LMF1: variants seen among roughly 807,000 people sequenced by gnomAD.
LMF1 encodes the protein lipase maturation factor 1.
A neutral mutation model predicts 60.6 loss-of-function variants in LMF1; 68 were observed. The ratio of observed to expected loss-of-function variants is 1.12; its 90% confidence interval spans 0.92 to 1.37. LMF1 has a LOEUF of 1.37. Ranked by LOEUF, LMF1 falls within the 40% of genes most tolerant of loss-of-function variation. The pLI is 0.00. For synonymous variants in LMF1, 418 were observed against 324.7 expected, an observed-to-expected ratio of 1.29 and a Z score of -3.09; for missense variants, 948 against 767.2, an observed-to-expected ratio of 1.24 and a Z score of -2.78.
intron 6 of LMF1, among the ~76,000 whole-genome samples, chr16:875,196 G>A (rs1271009945): frequency 1.3e-5 from 2 of 152,176 alleles, no homozygotes; most frequent in African/African-American, 4.8e-5. Flanking sequence ...CCCAGGTGCA[G>A]TGAGGCCCAG....
chr16:928,199 G>A (rs961025094), intron 3 of LMF1, among the ~76,000 whole-genome samples: 2 of 152,174 alleles, frequency 1.3e-5, no homozygotes, highest in African/African-American at 4.8e-5. Flanking sequence ...TACGTGGATG[G>A]GCCCCCCCAG....
intron 1 of LMF1, among the ~76,000 whole-genome samples, chr16:967,884 C>T (rs2072958209): frequency 6.6e-6 from 1 of 152,226 alleles, no homozygotes; most frequent in Non-Finnish European, 1.5e-5. Context: ...ACCAGGAGGT[C>T]AGCACCGGGC....
chr16:895,427 C>A (rs1374186612), intron 4 of LMF1, among the ~76,000 whole-genome samples: 1 of 152,226 alleles, frequency 6.6e-6, no homozygotes, highest in Non-Finnish European at 1.5e-5. Flanking sequence ...CAACAGAAAA[C>A]CAACCACACA....
At chr16:892,728 G>A (rs781157629) in intron 5 of LMF1, among the ~76,000 whole-genome samples, 2 of 152,218 alleles carry the variant, frequency 1.3e-5, no homozygotes, top group Admixed American at 6.5e-5. Flanking sequence ...GGAGGCCTGG[G>A]CAGGACCAAG....
chr16:949,508 A>C (rs1168110435), intron 2 of LMF1, among the ~76,000 whole-genome samples: 3 of 106,978 alleles, frequency 2.8e-5, no homozygotes, highest in Middle Eastern at 4.2e-3. Context: ...AGAGTTAGAG[A>C]CAATGACAGA....
chr16:859,072 G>A (rs2069326455), intron 10 of LMF1, among the ~76,000 whole-genome samples: 1 of 121,182 alleles, frequency 8.3e-6, no homozygotes, highest in Non-Finnish European at 1.7e-5. Flanking sequence ...GGTGTCACGG[G>A]ACGGGTGTGA....
At chr16:955,694 C>T (rs1254137080) in intron 1 of LMF1, among the ~76,000 whole-genome samples, 4 of 152,220 alleles carry the variant, frequency 2.6e-5, no homozygotes, top group Non-Finnish European at 5.9e-5. Flanking sequence ...TGTGTATACA[C>T]GCACACACAT....
At position 874,355 on chromosome 16, in the gene LMF1, G is replaced by A. The variant is rs969323973; in HGVS notation, c.898-3014C>T. ...GGGCAAGGAGCCCTTTGGGCAGGGC[G>A]GGGTGGGGTGGGGCCGGACAGCCCG... On this transcript the variant is annotated intron_variant, in intron 6 of 10. Transcript: ENST00000262301. The surrounding 1 kb of genome is among the most constrained non-coding windows in gnomAD (Gnocchi z 4.1). 4.6e-5 allele frequency among the ~76,000 whole-genome samples: 7 copies of A among 151,994 alleles called. No individual in the cohort carries two copies. The highest frequency in any genetic ancestry group is 2.6e-4 in the Admixed American group (4 of 15,276).
intron 4 of LMF1, chr16:893,402 A>G (rs1339241674): frequency 4.2e-6 from 2 of 477,836 alleles, no homozygotes. Context: ...GGACAAATGC[A>G]CCACGCCCTG....
Position 870,718 on chromosome 16 carries a change from C to T in LMF1, c.1232+11G>A. 1 of 1,612,460 alleles carries T rather than the reference C, an allele frequency of 6.2e-7. No homozygotes were observed. The highest frequency in any genetic ancestry group is 8.5e-7 in the Non-Finnish European group (1 of 1,179,756). On this transcript the variant is annotated intron_variant, in intron 8 of 10. Transcript: ENST00000262301. ...ACCCAGCTCCGGGGGACGGGGACCC[C>T]AGGCTCATACCTTCCGAAGGCCCCG... is the stretch of plus-strand genomic sequence containing the variant.
chr16:974,179 T>C (rs2073093585), upstream of LMF1, among the ~76,000 whole-genome samples: 1 of 152,176 alleles, frequency 6.6e-6, no homozygotes, highest in Non-Finnish European at 1.5e-5. Flanking sequence ...AAAAATAACA[T>C]TTAGATACAG....
intron 3 of LMF1, among the ~76,000 whole-genome samples, chr16:918,860 A>ACGCGGGGCCGGCGTC (rs1567237744): frequency 6.8e-6 from 1 of 147,958 alleles, no homozygotes; most frequent in Non-Finnish European, 1.5e-5. Flanking sequence ...CCCGACTCTC[A>ACGCGGGGCCGGCGTC]CGTGGGGCCA....
intron 4 of LMF1, among the ~76,000 whole-genome samples, chr16:898,404 G>A (rs1035923546): frequency 8.5e-5 from 13 of 152,234 alleles, no homozygotes; most frequent in Admixed American, 5.2e-4. Context: ...AATGCCAGCC[G>A]GGAGAGCCTG....
chr16:855,975 T>C, intron 10 of LMF1: 1 of 455,926 alleles, frequency 2.2e-6, no homozygotes, highest in Middle Eastern at 3.3e-4. Context: ...GGATGATGAT[T>C]CTTCTCTCCC....
At chr16:877,308 C>A (rs867961562) in intron 6 of LMF1, among the ~76,000 whole-genome samples, 1 of 152,184 alleles carries the variant, frequency 6.6e-6, no homozygotes, top group South Asian at 2.1e-4. Context: ...ATGTTCACCA[C>A]AAAAACTGCC....
At chr16:958,896 C>CA (rs2072764475) in intron 1 of LMF1, among the ~76,000 whole-genome samples, 2 of 147,132 alleles carry the variant, frequency 1.4e-5, no homozygotes, top group African/African-American at 5.2e-5. Context: ...AAAAAAAAAC[C>CA]AAAAAAACAA....
At chr16:947,099 T>G (rs113927783) in intron 2 of LMF1, among the ~76,000 whole-genome samples, 1 of 152,128 alleles carries the variant, frequency 6.6e-6, no homozygotes, top group African/African-American at 2.4e-5. Context: ...CCCACGCCAT[T>G]TGAAAGGAGG....
chr16:881,577 G>C (rs1056129873), intron 5 of LMF1: 12 of 152,292 alleles, frequency 7.9e-5, no homozygotes, highest in African/African-American at 2.7e-4. Context: ...TAGGGACTTA[G>C]AAGGCAGCAG....
chr16:864,557 G>A (rs753137351), intron 10 of LMF1, among the ~76,000 whole-genome samples: 1 of 152,180 alleles, frequency 6.6e-6, no homozygotes, highest in Non-Finnish European at 1.5e-5. Context: ...GCTGAGCTAC[G>A]ACGGATGTTT....
Sources: gnomAD v4.1 joint callset for allele counts (sites outside exome capture counted in the v4.1 genomes callset) on GRCh38, gnomAD v4.1.1 for gene constraint, Gnocchi (gnomAD v3.1) non-coding constraint, MANE v1.5 for transcripts, NCBI Gene and HGNC (gene_info 2026-07-23, HGNC 2026-07-21) for gene names.